The following PRKCB variants were observed in gnomAD, a reference collection of about 807,000 sequenced individuals.
The protein encoded by PRKCB is protein kinase C beta.
PRKCB carries 13 observed loss-of-function variants against 81.5 expected under a neutral mutation model. That is an observed-to-expected ratio of 0.16 (90% CI 0.10 to 0.25). PRKCB has a LOEUF of 0.25. PRKCB is among the 10% of genes least tolerant of loss of function. The pLI, the probability that PRKCB is intolerant of heterozygous loss-of-function variation, is 1.00. For synonymous variants in PRKCB, 335 were observed against 321.4 expected (o/e 1.04, Z -0.45); for missense variants, 509 against 875.7 (o/e 0.58, Z 5.29).
intron 3 of PRKCB, among the ~76,000 whole-genome samples, chr16:24,021,072 C>CTTCTTTCTTTCTTTCTTTCT (rs1555491074): frequency 1.1e-5 from 1 of 94,372 alleles, no homozygotes; most frequent in African/African-American, 4.3e-5. Flanking sequence ...CCCTCCCTCC[C>CTTCTTTCTTTCTTTCTTTCT]TTCTTTCTTT....
intron 2 of PRKCB, among the ~76,000 whole-genome samples, chr16:23,903,542 A>C (rs1963515064): frequency 6.6e-6 from 1 of 152,136 alleles, no homozygotes; most frequent in Non-Finnish European, 1.5e-5. Context: ...AAAGTAAATG[A>C]TTTCTACCCT....
chr16:24,032,348 C>T (rs746403830), intron 4 of PRKCB, 101 bp downstream of exon 4: 1 of 743,302 alleles, frequency 1.3e-6, no homozygotes, highest in Non-Finnish European at 2.2e-6. Flanking sequence ...ACATTCCCCC[C>T]TGTCCTCGTT....
intron 8 of PRKCB, among the ~76,000 whole-genome samples, chr16:24,122,883 G>C (rs1966818306): frequency 6.6e-6 from 1 of 152,160 alleles, no homozygotes; most frequent in African/African-American, 2.4e-5. Flanking sequence ...AGCACCTGCT[G>C]CCACTCTGAG....
intron 2 of PRKCB, among the ~76,000 whole-genome samples, chr16:23,878,660 G>A (rs943998569): frequency 2.6e-5 from 4 of 152,212 alleles, no homozygotes; most frequent in Admixed American, 2.6e-4. Flanking sequence ...GTACATGTCC[G>A]TGAGTGATCA....
chr16:23,967,229 C>T (rs148823143), intron 2 of PRKCB, among the ~76,000 whole-genome samples: 19 of 152,300 alleles, frequency 1.2e-4, no homozygotes, highest in East Asian at 1.2e-3. Flanking sequence ...GAGCAGATGA[C>T]GCTGCCACCA....
At chr16:23,863,224 ATATGTG>A (rs1567293467) in intron 2 of PRKCB, among the ~76,000 whole-genome samples, 52 of 80,892 alleles carry the variant, frequency 6.4e-4, no homozygotes, top group African/African-American at 2.1e-3. Context: ...ACATACATAT[ATATGTG>A]TATATATATA....
intron 2 of PRKCB, among the ~76,000 whole-genome samples, chr16:23,857,563 C>T (rs1447964409): frequency 1.3e-5 from 2 of 152,110 alleles, no homozygotes; most frequent in Non-Finnish European, 2.9e-5. Flanking sequence ...GACAGCTGGC[C>T]TCTCTGTGTT....
chr16:23,978,043 C>G lies in PRKCB; in HGVS notation c.206-10465C>G, dbSNP rs1964648080. Among the ~76,000 whole-genome samples, 2 of 152,138 alleles carry G rather than the reference C, an allele frequency of 1.3e-5. 1 individual carries two copies. Among genetic ancestry groups the G allele is most frequent in the South Asian group, 4.1e-4 (2 of 4,830 alleles). ...GTATGTGAAATTGGTGGTCTTATCTCCATTCTAAGATTGGGGATATTTTAA... is the reference window on the plus strand; with the variant it reads ...GTATGTGAAATTGGTGGTCTTATCTGCATTCTAAGATTGGGGATATTTTAA... On this transcript the variant is annotated intron_variant, in intron 2 of 16. Coordinates refer to ENST00000643927, the MANE Select transcript of PRKCB (RefSeq NM_002738.7).
At chr16:23,936,707 G>T (rs957573226) in intron 2 of PRKCB, among the ~76,000 whole-genome samples, 1 of 150,166 alleles carries the variant, frequency 6.7e-6, no homozygotes. Flanking sequence ...TTACAGATGT[G>T]AGCCTGGCCC....
intron 5 of PRKCB, among the ~76,000 whole-genome samples, chr16:24,071,268 T>A (rs922085544): frequency 3.3e-5 from 5 of 151,974 alleles, no homozygotes; most frequent in Non-Finnish European, 7.4e-5. Flanking sequence ...ATATCTGGTA[T>A]GGTAAGAGGA....
chr16:24,208,351 C>G (rs2141991583), intron 16 of PRKCB: 1 of 152,320 alleles, frequency 6.6e-6, no homozygotes. Flanking sequence ...AACAGCAAGA[C>G]TCTGTTATTA....
intron 9 of PRKCB, among the ~76,000 whole-genome samples, chr16:24,140,207 T>G (rs1335459764): frequency 6.6e-6 from 1 of 152,194 alleles, no homozygotes; most frequent in African/African-American, 2.4e-5. Context: ...GTCTGACGCT[T>G]AAGAATACAC....
chr16:24,007,656 C>A (rs539920065), intron 3 of PRKCB, among the ~76,000 whole-genome samples: 1 of 152,304 alleles, frequency 6.6e-6, no homozygotes, highest in Admixed American at 6.5e-5. Flanking sequence ...AGAAACCAAC[C>A]GTGCACAGAG....
chr16:24,171,425 G>A (rs1477743463), intron 10 of PRKCB, among the ~76,000 whole-genome samples: 4 of 152,106 alleles, frequency 2.6e-5, no homozygotes, highest in African/African-American at 9.7e-5. Context: ...GGTCTTTTAC[G>A]CGCTACTCCT....
chr16:23,854,232 A>G (rs914811097), intron 2 of PRKCB, among the ~76,000 whole-genome samples: 4 of 152,036 alleles, frequency 2.6e-5, no homozygotes, highest in Admixed American at 6.6e-5. Flanking sequence ...AGGCCGGGTT[A>G]GTTCTCTTCT....
chr16:24,185,702 C>A, intron 15 of PRKCB, 135 bp downstream of exon 15: 1 of 714,148 alleles, frequency 1.4e-6, no homozygotes, highest in Non-Finnish European at 2.4e-6. Context: ...ATATGAGAAC[C>A]CTGATGTGGA....
intron 16 of PRKCB, among the ~76,000 whole-genome samples, chr16:24,193,465 AAATAAATAAAT>A (rs1967827651): frequency 1.5e-5 from 1 of 68,354 alleles, no homozygotes; most frequent in African/African-American, 4.2e-5. Flanking sequence ...ATAAATAAAT[AAATAAATAAAT>A]AAATAAATAA....
chr16:24,163,652 C>T (rs749903140), intron 10 of PRKCB, among the ~76,000 whole-genome samples: 1 of 152,238 alleles, frequency 6.6e-6, no homozygotes, highest in Non-Finnish European at 1.5e-5. Flanking sequence ...TTGATTCTAA[C>T]AGTGATTGCA....
intron 15 of PRKCB, among the ~76,000 whole-genome samples, chr16:24,189,463 C>A (rs1156325014): frequency 6.6e-6 from 1 of 151,760 alleles, no homozygotes; most frequent in Non-Finnish European, 1.5e-5. Context: ...ATGGTGAAAC[C>A]CCGTCTCTAC....
Sources: allele counts gnomAD v4.1 joint callset (sites outside exome capture counted in the v4.1 genomes callset), GRCh38; gene constraint gnomAD v4.1.1; transcripts MANE v1.5; gene names NCBI Gene and HGNC (gene_info 2026-07-23, HGNC 2026-07-21).